The following COL14A1 variants were observed in gnomAD, a reference collection of about 807,000 sequenced individuals.
COL14A1 encodes the protein collagen alpha-1(XIV) chain.
A neutral mutation model predicts 230.3 loss-of-function variants in COL14A1; 136 were observed. The ratio of observed to expected loss-of-function variants is 0.59; its 90% CI spans 0.51 to 0.68. The LOEUF (loss-of-function observed/expected upper bound fraction) is 0.68. Ranked by LOEUF, COL14A1 falls within the 30% of genes least tolerant of loss-of-function variation. The pLI, the probability that COL14A1 is intolerant of heterozygous loss-of-function variation, is 0.00. For synonymous variants in COL14A1, 792 were observed against 784.1 expected, an observed-to-expected ratio of 1.01 and a Z score of -0.17; for missense variants, 1,976 against 2,215.8, an observed-to-expected ratio of 0.89 and a Z score of 2.17.
At chr8:120,195,867 G>A (rs1430765983) in intron 5 of COL14A1, among the ~76,000 whole-genome samples, 1 of 152,102 alleles carries the variant, frequency 6.6e-6, no homozygotes, top group Non-Finnish European at 1.5e-5. Flanking sequence ...AAACCATATC[G>A]ACATTGTTAA....
At chr8:120,347,662 T>C (rs1563750735) in intron 45 of COL14A1, among the ~76,000 whole-genome samples, 1 of 152,222 alleles carries the variant, frequency 6.6e-6, no homozygotes. Context: ...TCTTCAGCTA[T>C]CTTTTCTCTT....
intron 23 of COL14A1, 68 bp from the exon 24 acceptor site, chr8:120,262,800 T>C (rs1819380288): frequency 6.7e-7 from 1 of 1,491,222 alleles, no homozygotes; most frequent in East Asian, 2.3e-5. Context: ...AAGCAAATCA[T>C]CTGCCAATGG....
Position 120,250,751 on chromosome 8 carries a change from G to A in COL14A1, c.2737G>A (p.Gly913Ser). The A allele has an allele frequency of 8.1e-6, 13 of 1,614,128 alleles. No homozygotes were observed. Among genetic ancestry groups the A allele is most frequent in the Non-Finnish European group, 1.0e-5 (12 of 1,180,022 alleles). The change falls in exon 22 of 48, where the codon GGC (glycine) becomes AGC (serine). Residue 913 changes from glycine to serine, a missense_variant. Physicochemically the swap from Gly to Ser is moderately conservative, Grantham distance 56. Around this residue, in one of 3 missense-constraint regions of COL14A1, gnomAD observed 1,791 missense variants for 2,019.5 expected, o/e 0.89. Transcript: ENST00000297848. ...QASGFSDALT[G>S]MVKTLFLGVT... ...CTCAGGCTTCAGCGACGCCCTGACA[G>A]GCATGGTGAAAACATGTAAGAGCCA... is the stretch of plus-strand genomic sequence containing the variant.
At chr8:120,276,644 T>C (rs1379638643) in intron 26 of COL14A1, among the ~76,000 whole-genome samples, 1 of 151,750 alleles carries the variant, frequency 6.6e-6, no homozygotes, top group Non-Finnish European at 1.5e-5. Context: ...GTTTCATCCA[T>C]GTCCCTTCAA....
intron 23 of COL14A1, among the ~76,000 whole-genome samples, chr8:120,257,739 T>C (rs1819202983): frequency 6.6e-6 from 1 of 152,200 alleles, no homozygotes; most frequent in Non-Finnish European, 1.5e-5. Context: ...GCAAAGGAGA[T>C]ACTAGGAATA....
intron 33 of COL14A1, among the ~76,000 whole-genome samples, chr8:120,286,365 A>G (rs1409094457): frequency 3.3e-5 from 5 of 152,178 alleles, no homozygotes. Flanking sequence ...ATCATCTTAA[A>G]ATGTGCAGAT....
chr8:120,367,014 C>G (rs1197410386), intron 45 of COL14A1, among the ~76,000 whole-genome samples, 157 bp from the exon 46 acceptor site: 1 of 152,162 alleles, frequency 6.6e-6, no homozygotes, highest in Non-Finnish European at 1.5e-5. Context: ...CTACCAATGT[C>G]AGAATGTAAT....
chr8:120,289,891 A>AATGG (rs879124430), intron 34 of COL14A1, 125 bp downstream of exon 34: 103 of 965,078 alleles, frequency 1.1e-4, no homozygotes, highest in African/African-American at 4.4e-4. Context: ...TGGATGAATG[A>AATGG]ATGGATGGAT....
chr8:120,279,793 A>G (rs1819981253), intron 28 of COL14A1, 142 bp from the exon 29 acceptor site: 2 of 772,174 alleles, frequency 2.6e-6, no homozygotes, highest in East Asian at 5.5e-5. Context: ...CAGAACTCTG[A>G]TGAACTGTAA....
Position 120,284,408 on chromosome 8 carries a change from C to T in COL14A1, c.3967+630C>T, listed in dbSNP as rs373808371. On this transcript the variant is annotated intron_variant, in intron 32 of 47. Transcript: ENST00000297848. ...GTGCTCTTGGATGTTGTACCATCAA[C>T]CTCAAGCTCTTGGATGTTGTACATG... Among the ~76,000 whole-genome samples, 26 of 152,280 alleles carry T rather than the reference C, an allele frequency of 1.7e-4. No individual in the cohort carries two copies. The East Asian group carries it at 4.8e-3, about 28-fold the overall frequency.
At position 120,208,318 on chromosome 8, in the gene COL14A1, T is replaced by C. The variant is rs755260466; in HGVS notation, c.1278T>C (p.Tyr426=). The C allele has an allele frequency of 6.2e-7, 1 of 1,613,798 alleles. No homozygotes were observed. Among genetic ancestry groups the C allele is most frequent in the Non-Finnish European group, 8.5e-7 (1 of 1,179,836 alleles). The change falls in exon 11 of 48, where the codon TAT becomes TAC. Residue 426 remains tyrosine (Y), a synonymous_variant. Transcript: ENST00000297848. ...TEYQIAVFAI[Y]AHTASEGLRG... ...ATCAGATAGCAGTCTTTGCAATCTA[T>C]GCCCACACTGCTAGTGAAGGCCTAC... is the stretch of plus-strand genomic sequence containing the variant.
chr8:120,161,092 C>T (rs1815652185), intron 3 of COL14A1, among the ~76,000 whole-genome samples: 1 of 152,134 alleles, frequency 6.6e-6, no homozygotes, highest in Admixed American at 6.5e-5. Flanking sequence ...CCAGATTTAA[C>T]ATCTTGAACA....
chr8:120,332,749 G>C lies in COL14A1; in HGVS notation c.4785+14G>C. 6.2e-7 allele frequency: 1 copy of C among 1,603,714 alleles called. No individual in the cohort carries two copies. Among genetic ancestry groups the C allele is most frequent in the Middle Eastern group, 1.7e-4 (1 of 6,042 alleles). ...CTGGGACCACCTGTGAGTATGCAGC[G>C]GTAGCTGCTCAGAATGTAGGCCCAG... On this transcript the variant is annotated intron_variant, in intron 42 of 47. Coordinates refer to ENST00000297848, the MANE Select transcript of COL14A1 (RefSeq NM_021110.4).
At chr8:120,353,925 T>C (rs1822872195) in intron 45 of COL14A1, among the ~76,000 whole-genome samples, 1 of 149,076 alleles carries the variant, frequency 6.7e-6, no homozygotes, top group African/African-American at 2.5e-5. Context: ...CATGCTGCTA[T>C]AAAGACACAT....
In COL14A1 at chr8:120,227,377, C is replaced by T. The variant is rs16893689; in HGVS notation, c.2137+25C>T. ...CGTAAGTCTTGGTCTGGCCACAGTGCGTTTTAGCTGCTCCCACAATCCCTC... is the reference window on the plus strand; with the variant it reads ...CGTAAGTCTTGGTCTGGCCACAGTGTGTTTTAGCTGCTCCCACAATCCCTC... On this transcript the variant is annotated intron_variant, in intron 17 of 47. Transcript: ENST00000297848. 1.9e-3 allele frequency: 3,140 copies of T among 1,612,000 alleles called. 66 individuals are homozygous for T. The African/African-American group carries it at 0.038, about 20-fold the overall frequency.
At chr8:120,238,796 A>G (rs1818530365) in intron 19 of COL14A1, among the ~76,000 whole-genome samples, 1 of 152,164 alleles carries the variant, frequency 6.6e-6, no homozygotes. Context: ...AAAGCATAGT[A>G]TCTGGGCTGG....
intron 1 of COL14A1, among the ~76,000 whole-genome samples, chr8:120,143,886 A>G (rs1815001456): frequency 6.6e-6 from 1 of 151,954 alleles, no homozygotes; most frequent in Non-Finnish European, 1.5e-5. Context: ...ATAATTTTTA[A>G]AATACTCATA....
chr8:120,348,862 C>G (rs1177363169), intron 45 of COL14A1, among the ~76,000 whole-genome samples: 1 of 152,214 alleles, frequency 6.6e-6, no homozygotes, highest in Non-Finnish European at 1.5e-5. Flanking sequence ...ATGTATATAA[C>G]TGGGACAAAA....
intron 23 of COL14A1, among the ~76,000 whole-genome samples, chr8:120,260,904 T>C (rs1563702428): frequency 6.6e-6 from 1 of 152,188 alleles, no homozygotes; most frequent in Non-Finnish European, 1.5e-5. Flanking sequence ...TTGCTTAGAA[T>C]ATATCAGTGG....
Sources: allele counts gnomAD v4.1 joint callset (sites outside exome capture counted in the v4.1 genomes callset), GRCh38; gene constraint gnomAD v4.1.1; regional missense constraint gnomAD v4.1.1; transcripts MANE v1.5; gene names NCBI Gene and HGNC (gene_info 2026-07-23, HGNC 2026-07-21).